Variants in SIMC1 observed in about 807,000 individuals in gnomAD.
SIMC1 encodes the protein SUMO interacting motifs containing 1.
A neutral mutation model predicts 82.3 loss-of-function variants in SIMC1; 55 were observed. The observed-to-expected ratio is 0.67, with a 90% CI of 0.54 to 0.84. The LOEUF is 0.84. Ranked by LOEUF, SIMC1 falls within the 40% of genes least tolerant of loss-of-function variation. The pLI, the probability that SIMC1 is intolerant of heterozygous loss-of-function variation, is 0.00. For missense variants in SIMC1, 915 were observed against 1,107.2 expected, an observed-to-expected ratio of 0.83 and a Z score of 2.46; for synonymous variants, 353 against 426.3, an observed-to-expected ratio of 0.83 and a Z score of 2.12.
At chr5:176,270,069 A>C (rs1762360110) in intron 1 of SIMC1, among the ~76,000 whole-genome samples, 1 of 151,566 alleles carries the variant, frequency 6.6e-6, no homozygotes, top group African/African-American at 2.4e-5. Flanking sequence ...AATATGCAAA[A>C]ATTCTTAACA....
intron 3 of SIMC1, among the ~76,000 whole-genome samples, chr5:176,295,503 A>T (rs1326730827): frequency 6.6e-6 from 1 of 152,252 alleles, no homozygotes; most frequent in East Asian, 1.9e-4. Flanking sequence ...GATTCAGTAT[A>T]CAAAAATGGT....
In SIMC1 at chr5:176,324,659, C is replaced by T. The variant is rs551613175; in HGVS notation, c.2073C>T (p.Ser691=). The T allele has an allele frequency of 6.2e-7, 1 of 1,611,022 alleles. No individual in the cohort carries two copies. The highest frequency in any genetic ancestry group is 1.1e-5 in the South Asian group (1 of 90,196). Residue 691 remains serine (S), a synonymous_variant, in exon 7 of 10, where the codon TCC becomes TCT. Transcript: ENST00000429602. Reference sequence around the variant, plus strand: ...TGTGCCAGCTTCAGAGGATGCTCTCCATAGCCGTAGAGGTGGACAGGACCC... The same window carrying T: ...TGTGCCAGCTTCAGAGGATGCTCTCTATAGCCGTAGAGGTGGACAGGACCC... ...LIVCQLQRML[S]IAVEVDRTPT... is the part of the protein sequence containing the mutation.
At chr5:176,313,575 A>G in intron 4 of SIMC1, 116 bp from the exon 5 acceptor site, 1 of 1,557,236 alleles carries the variant, frequency 6.4e-7, no homozygotes, top group Non-Finnish European at 8.8e-7. Flanking sequence ...TTTTAAGCAC[A>G]GGCATACTTG....
chr5:176,324,920 A>G (rs1232066044), intron 7 of SIMC1, among the ~76,000 whole-genome samples, 163 bp downstream of exon 7: 1 of 152,224 alleles, frequency 6.6e-6, no homozygotes, highest in Non-Finnish European at 1.5e-5. Context: ...AGAAAATAGT[A>G]GAAGGATTAT....
At chr5:176,289,283 A>G (rs535912760) in intron 1 of SIMC1, among the ~76,000 whole-genome samples, 4 of 152,288 alleles carry the variant, frequency 2.6e-5, no homozygotes. Flanking sequence ...ATTCTTTCAC[A>G]TTTGCTTCAC....
intron 1 of SIMC1, among the ~76,000 whole-genome samples, chr5:176,249,856 A>C (rs1761590204): frequency 6.6e-6 from 1 of 151,054 alleles, no homozygotes; most frequent in Non-Finnish European, 1.5e-5. Flanking sequence ...AAAAAAAAAA[A>C]AAAAAAAACC....
chr5:176,292,158 T>A (rs1168791862), intron 2 of SIMC1, among the ~76,000 whole-genome samples: 3 of 152,216 alleles, frequency 2.0e-5, no homozygotes, highest in Non-Finnish European at 4.4e-5. Context: ...CTATCACTTA[T>A]GGGCCTCCAA....
intron 4 of SIMC1, chr5:176,313,324 C>A: frequency 6.8e-7 from 1 of 1,467,616 alleles, no homozygotes; most frequent in Admixed American, 2.6e-5. Flanking sequence ...GAGAGATTGA[C>A]TTCCCATGGC....
intron 4 of SIMC1, among the ~76,000 whole-genome samples, chr5:176,311,774 A>C (rs2113340255): frequency 6.6e-6 from 1 of 152,368 alleles, no homozygotes; most frequent in Non-Finnish European, 1.5e-5. Flanking sequence ...AAATACTTTT[A>C]ACAGAATCCT....
chr5:176,329,857 A>G (rs766779421), intron 7 of SIMC1, among the ~76,000 whole-genome samples: 1 of 152,176 alleles, frequency 6.6e-6, no homozygotes, highest in Non-Finnish European at 1.5e-5. Flanking sequence ...GATAGAATGA[A>G]CCCTGTGGTA....
At chr5:176,314,555 A>G (rs1184012722) in intron 5 of SIMC1, among the ~76,000 whole-genome samples, 2 of 152,228 alleles carry the variant, frequency 1.3e-5, no homozygotes, top group Admixed American at 6.5e-5. Context: ...CTGGAAAGTA[A>G]TATCTATAAC....
At chr5:176,325,542 C>T (rs903762343) in intron 7 of SIMC1, among the ~76,000 whole-genome samples, 5 of 151,238 alleles carry the variant, frequency 3.3e-5, no homozygotes, top group East Asian at 1.9e-4. Context: ...AAAAATTAGC[C>T]GGGTGTGGTG....
rs370669736 is a variant in SIMC1, at chr5:176,337,118, G to C, written c.2385G>C (p.Leu795=). 6 of 1,613,890 alleles carry C rather than the reference G, an allele frequency of 3.7e-6. No individual in the cohort carries two copies. Among genetic ancestry groups the C allele is most frequent in the Non-Finnish European group, 4.2e-6 (5 of 1,179,896 alleles). The change falls in exon 9 of 10, where the codon CTG becomes CTC. Residue 795 remains leucine, a synonymous_variant. Transcript: ENST00000429602. ...AATTGGTTGAGCATCTGCAGTTTCT[G>C]CTGTCCAGTTATCAACATGTTTTAA... ...WDELVEHLQF[L]LSSYQHVLRE...
chr5:176,307,526 G>A (rs903565536), intron 4 of SIMC1, among the ~76,000 whole-genome samples: 5 of 151,946 alleles, frequency 3.3e-5, no homozygotes, highest in Non-Finnish European at 7.4e-5. Context: ...TCAGCCTCCC[G>A]AGTAGCTGGG....
rs1162307977 is a variant in SIMC1, at chr5:176,272,172, C to CAAAAAAA, written c.130-17462_130-17456dup. On this transcript the variant is annotated intron_variant, in intron 1 of 9. Transcript: ENST00000429602. ...AGTCTGTAGTGACATCCCATCTCTACAAAAAAAAAAAAAAAAAAAAAAAAA... is the reference window on the plus strand; with the variant it reads ...AGTCTGTAGTGACATCCCATCTCTACAAAAAAAAAAAAAAAAAAAAAAAAAAAAAAAA... 1.3e-3 allele frequency among the ~76,000 whole-genome samples: 25 copies of CAAAAAAA among 19,968 alleles called. 1 individual carries two copies. The highest frequency in any genetic ancestry group is 3.5e-3 in the African/African-American group (25 of 7,126). 13.1% of individuals were successfully genotyped at this position (19,968 alleles called of 152,430 possible).
intron 1 of SIMC1, among the ~76,000 whole-genome samples, chr5:176,287,509 T>G (rs2113247850): frequency 6.6e-6 from 1 of 152,156 alleles, no homozygotes; most frequent in African/African-American, 2.4e-5. Flanking sequence ...AGGGATAGCA[T>G]TAGGAGATAT....
chr5:176,283,021 A>T (rs573994126), intron 1 of SIMC1, among the ~76,000 whole-genome samples: 21 of 152,352 alleles, frequency 1.4e-4, no homozygotes, highest in Admixed American at 7.2e-4. Context: ...ATATGGGACT[A>T]TGTGAAAAGA....
chr5:176,302,386 T>A (rs1164512683), intron 4 of SIMC1, among the ~76,000 whole-genome samples: 1 of 152,074 alleles, frequency 6.6e-6, no homozygotes, highest in Admixed American at 6.5e-5. Flanking sequence ...ATAAAGACAC[T>A]CAAACTAGAA....
In SIMC1 at chr5:176,272,172, C is replaced by CAAAAAA. The variant is rs1162307977; in HGVS notation, c.130-17461_130-17456dup. Among the ~76,000 whole-genome samples, 42 of 19,970 alleles carry CAAAAAA rather than the reference C, an allele frequency of 2.1e-3. 7 individuals are homozygous for CAAAAAA. The highest frequency in any genetic ancestry group is 5.8e-3 in the African/African-American group (41 of 7,126). The allele number at this position is 19,970 out of a possible 152,430, so 13.1% of individuals were successfully genotyped here. On this transcript the variant is annotated intron_variant, in intron 1 of 9. Coordinates refer to ENST00000429602, the MANE Select transcript of SIMC1 (RefSeq NM_001308195.2). ...AGTCTGTAGTGACATCCCATCTCTA[C>CAAAAAA]AAAAAAAAAAAAAAAAAAAAAAAAA...
Sources: gnomAD v4.1 joint callset for allele counts (sites outside exome capture counted in the v4.1 genomes callset) on GRCh38, gnomAD v4.1.1 for gene constraint, MANE v1.5 for transcripts, NCBI Gene and HGNC (gene_info 2026-07-23, HGNC 2026-07-21) for gene names.